OR51E2: variants seen among roughly 807,000 people sequenced by gnomAD.
The protein encoded by OR51E2 is olfactory receptor 51E2.
Under a neutral mutation model 13.7 loss-of-function variants are expected in OR51E2, and 14 were observed. That is an observed-to-expected ratio of 1.02 (90% confidence interval 0.68 to 1.60). OR51E2 has a LOEUF of 1.60. OR51E2 is among the 40% of genes most tolerant of loss of function. OR51E2 has a pLI of 0.00. For synonymous variants in OR51E2, 180 were observed against 157.6 expected (o/e 1.14, Z -1.07); for missense variants, 483 against 413.8 (o/e 1.17, Z -1.45).
At chr11:4,692,367 GA>G (rs1847592928) in intron 1 of OR51E2, among the ~76,000 whole-genome samples, 1 of 152,174 alleles carries the variant, frequency 6.6e-6, no homozygotes, top group Non-Finnish European at 1.5e-5. Context: ...CCAGGCTTAG[GA>G]AGACAGGAGG....
At chr11:4,692,780 C>G (rs1371773221) in intron 1 of OR51E2, among the ~76,000 whole-genome samples, 1 of 150,116 alleles carries the variant, frequency 6.7e-6, no homozygotes, top group Non-Finnish European at 1.5e-5. Flanking sequence ...GGAGAGGAAC[C>G]TCAACGTATC....
chr11:4,693,512 GA>G (rs1223126106), intron 1 of OR51E2, among the ~76,000 whole-genome samples: 5 of 152,194 alleles, frequency 3.3e-5, no homozygotes, highest in Non-Finnish European at 7.3e-5. Context: ...ACGAGGTCAG[GA>G]GATCGAGACC....
chr11:4,687,340 C>T (rs927968617), intron 1 of OR51E2, among the ~76,000 whole-genome samples: 3 of 152,168 alleles, frequency 2.0e-5, no homozygotes, highest in African/African-American at 7.2e-5. Context: ...CTAATTTTTA[C>T]TCTTACCTAC....
At chr11:4,696,754 C>T (rs760659374) in intron 1 of OR51E2, among the ~76,000 whole-genome samples, 7 of 152,146 alleles carry the variant, frequency 4.6e-5, no homozygotes, top group East Asian at 3.9e-4. Flanking sequence ...TCTGCCCACT[C>T]GGATTACAAT....
intron 1 of OR51E2, among the ~76,000 whole-genome samples, chr11:4,693,831 A>G (rs896007101): frequency 6.6e-6 from 1 of 152,228 alleles, no homozygotes; most frequent in African/African-American, 2.4e-5. Context: ...TGGATCTTAC[A>G]TAGTGCTATT....
At position 4,681,573 on chromosome 11, in the gene OR51E2, C is replaced by A. The variant is rs1847450636; in HGVS notation, c.*176G>T. On this transcript the variant is annotated 3_prime_UTR_variant, in exon 2 of 2. Coordinates refer to ENST00000396950, the MANE Select transcript of OR51E2 (RefSeq NM_030774.4). ...GTAGTCTTTAAATCATGTAATACTT[C>A]ATTAGTATGTATTATTCCACATAAT... 1 of 631,976 alleles carries A rather than the reference C, an allele frequency of 1.6e-6. No individual in the cohort carries two copies. The highest frequency in any genetic ancestry group is 2.7e-6 in the Non-Finnish European group (1 of 367,956). 39.1% of individuals were successfully genotyped at this position (631,976 alleles called of 1,614,324 possible).
intron 1 of OR51E2, among the ~76,000 whole-genome samples, chr11:4,694,549 TATAC>T (rs950430699): frequency 7.4e-6 from 1 of 135,320 alleles, no homozygotes; most frequent in African/African-American, 2.6e-5. Flanking sequence ...CGTATATATA[TATAC>T]ACACACACAT....
chr11:4,682,625 G>C lies in OR51E2; in HGVS notation c.87C>G (p.Pro29=). Residue 29 remains proline, a synonymous_variant, in exon 2 of 2, where the codon CCC becomes CCG. Transcript: ENST00000396950. The part of the protein sequence containing the change: ...LEKAHFWVGF[P]LLSMYVVAMF... ...TTGCCACTACATACATGGAAAGGAGGGGGAAGCCAACCCAGAAATGGGCTT... is the reference window on the plus strand; with the variant it reads ...TTGCCACTACATACATGGAAAGGAGCGGGAAGCCAACCCAGAAATGGGCTT... The C allele has an allele frequency of 6.2e-7, 1 of 1,614,198 alleles. No individual in the cohort carries two copies. The highest frequency in any genetic ancestry group is 1.3e-5 in the African/African-American group (1 of 75,044).
At position 4,682,535 on chromosome 11, in the gene OR51E2, G is replaced by T. The variant is rs374267098; in HGVS notation, c.177C>A (p.Tyr59Ter). Residue 59 changes from tyrosine (Y) to a stop codon, truncating the protein, a stop_gained, in exon 2 of 2, where the codon TAC becomes TAA. Coordinates refer to ENST00000396950, the MANE Select transcript of OR51E2 (RefSeq NM_030774.4). LOFTEE classifies it high-confidence loss of function. ...TGGCTGCAAGCATGCAGAGAAAGAG[G>T]TACATCGGAGCGTGCAGGCTGCGTT... is the stretch of plus-strand genomic sequence containing the variant. ...RTERSLHAPM[Y>*]LFLCMLAAID... 8 of 1,614,210 alleles carry T rather than the reference G, an allele frequency of 5.0e-6. No homozygotes were observed. The highest frequency in any genetic ancestry group is 6.8e-6 in the Non-Finnish European group (8 of 1,180,038).
intron 1 of OR51E2, among the ~76,000 whole-genome samples, chr11:4,688,357 A>T (rs1206894383): frequency 6.6e-6 from 1 of 152,142 alleles, no homozygotes; most frequent in Non-Finnish European, 1.5e-5. Context: ...GAGGACGAAC[A>T]TTCCAGGTTG....
In OR51E2 at chr11:4,682,340, G is replaced by A; in HGVS notation, c.372C>T (p.Ala124=). The change falls in exon 2 of 2, where the codon GCC becomes GCT. Residue 124 remains alanine (A), a synonymous_variant. Coordinates refer to ENST00000396950, the MANE Select transcript of OR51E2 (RefSeq NM_030774.4). The stretch of plus-strand genomic sequence containing the variant: ...CAGCATGGCGCAGTGGGTGGCAGAT[G>A]GCCACATAACGGTCAAAGGCCATGG... ...LLAMAFDRYV[A]ICHPLRHAAV... The A allele has an allele frequency of 1.2e-6, 2 of 1,614,190 alleles. No individual in the cohort carries two copies. The highest frequency in any genetic ancestry group is 1.7e-6 in the Non-Finnish European group (2 of 1,180,040).
In OR51E2 at chr11:4,681,952, G is replaced by C. The variant is rs746396166; in HGVS notation, c.760C>G (p.Leu254Val). 6.2e-7 allele frequency: 1 copy of C among 1,614,126 alleles called. No homozygotes were observed. The highest frequency in any genetic ancestry group is 1.1e-5 in the South Asian group (1 of 91,082). Residue 254 changes from leucine to valine, a missense_variant, in exon 2 of 2, where the codon CTT (leucine) becomes GTT (valine). Coordinates refer to ENST00000396950, the MANE Select transcript of OR51E2 (RefSeq NM_030774.4). ...CGGTGTACCACTGAGAGGCCAATAA[G>C]TGGCACATAGAAGGCGAGTACCACA... is the stretch of plus-strand genomic sequence containing the variant. ...IGVVLAFYVP[L>V]IGLSVVHRFG...
rs72005121 is a variant in OR51E2, at chr11:4,694,575, T to TATATACACAC, written c.-51+3077_-51+3078insGTGTGTATAT. On this transcript the variant is annotated intron_variant, in intron 1 of 1. Coordinates refer to ENST00000396950, the MANE Select transcript of OR51E2 (RefSeq NM_030774.4). ...ATACACACACACATACATATATATA[T>TATATACACAC]ACACACACACACACACACACACACA... Among the ~76,000 whole-genome samples, 73 of 147,948 alleles carry TATATACACAC rather than the reference T, an allele frequency of 4.9e-4. 1 individual carries two copies. Among genetic ancestry groups the TATATACACAC allele is most frequent in the South Asian group, 1.5e-3 (7 of 4,664 alleles).
intron 1 of OR51E2, among the ~76,000 whole-genome samples, chr11:4,691,872 A>C (rs1055405354): frequency 2.0e-5 from 3 of 152,212 alleles, no homozygotes; most frequent in African/African-American, 7.2e-5. Context: ...TCAGATTTCA[A>C]CTGCTGTAGT....
intron 1 of OR51E2, chr11:4,691,545 G>C (rs370141799): frequency 3.4e-4 from 157 of 457,118 alleles, no homozygotes; most frequent in African/African-American, 3.0e-3. Flanking sequence ...GCTGGGCTGA[G>C]TGATGGTAGC....
At chr11:4,695,188 C>T (rs1847641480) in intron 1 of OR51E2, among the ~76,000 whole-genome samples, 1 of 152,180 alleles carries the variant, frequency 6.6e-6, no homozygotes, top group South Asian at 2.1e-4. Context: ...ACATTTCTAA[C>T]ATTTTATTCA....
In OR51E2 at chr11:4,682,172, G is replaced by C. The variant is rs772751645; in HGVS notation, c.540C>G (p.His180Gln). ...SNVLSHSYCV[H>Q]QDVMKLAYAD... ...CATAGGCCAACTTCATTACATCCTG[G>C]TGGACACAATAGGAGTGCGAGAGGA... Residue 180 changes from histidine (H) to glutamine (Q), a missense_variant, in exon 2 of 2, where the codon CAC becomes CAG. Transcript: ENST00000396950. 1 of 1,614,156 alleles carries C rather than the reference G, an allele frequency of 6.2e-7. No homozygotes were observed. The highest frequency in any genetic ancestry group is 1.1e-5 in the South Asian group (1 of 91,078).
chr11:4,693,386 T>C (rs1713986979), intron 1 of OR51E2, among the ~76,000 whole-genome samples: 1 of 152,176 alleles, frequency 6.6e-6, no homozygotes, highest in South Asian at 2.1e-4. Context: ...TTTATGTAAG[T>C]TGAGACGAAG....
At chr11:4,697,596 G>C (rs753443597) in intron 1 of OR51E2, 57 bp downstream of exon 1, 4 of 152,668 alleles carry the variant, frequency 2.6e-5, no homozygotes, top group Admixed American at 2.0e-4. Context: ...CTGTGGGTGA[G>C]AAAGTCCAAT....
Sources: allele counts gnomAD v4.1 joint callset (sites outside exome capture counted in the v4.1 genomes callset), GRCh38; gene constraint gnomAD v4.1.1; transcripts MANE v1.5; gene names NCBI Gene and HGNC (gene_info 2026-07-23, HGNC 2026-07-21).